Variants in UBE3A observed in about 807,000 individuals in gnomAD.
The protein encoded by UBE3A is ubiquitin-protein ligase E3A.
Under a neutral mutation model 83.4 loss-of-function variants are expected in UBE3A, and 6 were observed. The ratio of observed to expected loss-of-function variants is 0.07; its 90% CI spans 0.04 to 0.14. The LOEUF is 0.14. Among genes scored for constraint, UBE3A ranks in the 10% least tolerant of loss-of-function variants. UBE3A has a pLI of 1.00. For missense variants in UBE3A, 456 were observed against 1,036.1 expected, an observed-to-expected ratio of 0.44 and a Z score of 7.69; for synonymous variants, 337 against 355.4, an observed-to-expected ratio of 0.95 and a Z score of 0.58.
chr15:25,418,316 T>C (rs1887972591), intron 1 of UBE3A: 1 of 152,088 alleles, frequency 6.6e-6, no homozygotes, highest in Non-Finnish European at 1.5e-5. Context: ...AACATATATG[T>C]CCACACAGAG....
chr15:25,374,015 C>T (rs1037604366), intron 5 of UBE3A: 2 of 152,116 alleles, frequency 1.3e-5, no homozygotes, highest in African/African-American at 4.8e-5. Flanking sequence ...CTACTTAATA[C>T]TTATGCAACT....
chr15:25,352,388 T>C (rs1199388250), intron 11 of UBE3A, among the ~76,000 whole-genome samples: 6 of 152,198 alleles, frequency 3.9e-5, no homozygotes, highest in African/African-American at 9.7e-5. Context: ...TTTCAGACCA[T>C]GGCAAATAAA....
intron 1 of UBE3A, among the ~76,000 whole-genome samples, chr15:25,423,066 A>G (rs1164004500): frequency 6.6e-6 from 1 of 152,080 alleles, no homozygotes; most frequent in Non-Finnish European, 1.5e-5. Context: ...AAACCATAAA[A>G]GATGGACAGA....
chr15:25,412,859 C>G (rs990981228), intron 1 of UBE3A, among the ~76,000 whole-genome samples: 1 of 152,252 alleles, frequency 6.6e-6, no homozygotes, highest in Admixed American at 6.5e-5. Context: ...AATAGAATTA[C>G]CTGGGGAAAT....
At chr15:25,385,765 C>CG in intron 4 of UBE3A, among the ~76,000 whole-genome samples, 1 of 152,122 alleles carries the variant, frequency 6.6e-6, no homozygotes, top group Non-Finnish European at 1.5e-5. Context: ...GAAACCTCCA[C>CG]GGGGTAGGAA....
chr15:25,434,993 C>G (rs1481775468), intron 1 of UBE3A, among the ~76,000 whole-genome samples: 21 of 150,934 alleles, frequency 1.4e-4, no homozygotes, highest in Admixed American at 3.3e-4. Flanking sequence ...CACACACACA[C>G]ACACACACAC....
In UBE3A at chr15:25,338,342, A is replaced by AATCCCTGTCCTTTCATACACTAAG; in HGVS notation, c.*794_*795insCTTAGTGTATGAAAGGACAGGGAT. The AATCCCTGTCCTTTCATACACTAAG allele has an allele frequency of 6.6e-6, 1 of 152,158 alleles. No homozygotes were observed. Among genetic ancestry groups the AATCCCTGTCCTTTCATACACTAAG allele is most frequent in the East Asian group, 1.9e-4 (1 of 5,172 alleles). 9.4% of individuals were successfully genotyped at this position (152,158 alleles called of 1,614,324 possible). A position where few individuals can be genotyped will look rare whatever the true frequency, so the allele number is the denominator to read the frequency against. On this transcript the variant is annotated 3_prime_UTR_variant, in exon 13 of 13. Coordinates refer to ENST00000648336, the MANE Select transcript of UBE3A (RefSeq NM_130839.5). ...CAACAACGAGAACAACAAGAACAAAAATCCCTGTCCTTTCATATACTAAGA... is the reference window on the plus strand; with the variant it reads ...CAACAACGAGAACAACAAGAACAAAAATCCCTGTCCTTTCATACACTAAGATCCCTGTCCTTTCATATACTAAGA...
At chr15:25,375,803 C>T (rs759312941) in intron 4 of UBE3A, 40 bp from the exon 5 acceptor site, 8 of 1,600,326 alleles carry the variant, frequency 5.0e-6, no homozygotes, top group South Asian at 2.2e-5. Context: ...GTGATTAGTA[C>T]AGCTCTCAAG....
intron 7 of UBE3A, among the ~76,000 whole-genome samples, chr15:25,359,415 ATGCGTGTGTG>A (rs2077689812): frequency 2.0e-5 from 2 of 98,272 alleles, no homozygotes; most frequent in South Asian, 4.1e-4. Context: ...TAGATAAGGG[ATGCGTGTGTG>A]TGTGTGTGTG....
chr15:25,422,488 G>C (rs1890118050), intron 1 of UBE3A, among the ~76,000 whole-genome samples: 1 of 151,970 alleles, frequency 6.6e-6, no homozygotes, highest in Non-Finnish European at 1.5e-5. Context: ...ATTATCAGTG[G>C]GGAAAGGATG....
At chr15:25,413,424 A>G (rs2090350793) in intron 1 of UBE3A, among the ~76,000 whole-genome samples, 1 of 151,822 alleles carries the variant, frequency 6.6e-6, no homozygotes, top group African/African-American at 2.4e-5. Flanking sequence ...CCTTTGCATC[A>G]TGTTTATGGT....
intron 1 of UBE3A, among the ~76,000 whole-genome samples, chr15:25,425,185 T>A (rs1323583496): frequency 6.6e-6 from 1 of 152,074 alleles, no homozygotes; most frequent in Non-Finnish European, 1.5e-5. Context: ...GAAAATACCA[T>A]GGTAAGTAAA....
intron 4 of UBE3A, among the ~76,000 whole-genome samples, chr15:25,386,606 A>G (rs1167290196): frequency 6.6e-6 from 1 of 152,204 alleles, no homozygotes. Context: ...TGGATGAAGA[A>G]TCTCTGAGCT....
intron 4 of UBE3A, among the ~76,000 whole-genome samples, chr15:25,402,301 T>C (rs2153032481): frequency 6.6e-6 from 1 of 152,270 alleles, no homozygotes; most frequent in South Asian, 2.1e-4. Context: ...GGTACACAGG[T>C]GCTGCTGGCC....
chr15:25,367,987 G>T (rs1229402107), intron 6 of UBE3A, among the ~76,000 whole-genome samples: 1 of 151,962 alleles, frequency 6.6e-6, no homozygotes, highest in Non-Finnish European at 1.5e-5. Flanking sequence ...TTAAAGCCTA[G>T]GATCCCATAA....
At chr15:25,407,094 T>C (rs1596268685) in intron 3 of UBE3A, 2 of 1,350,816 alleles carry the variant, frequency 1.5e-6, no homozygotes, top group African/African-American at 1.5e-5. Flanking sequence ...TGTGGGTAAG[T>C]ACCCCAAGAT....
At chr15:25,392,295 A>C (rs2084579787) in intron 4 of UBE3A, among the ~76,000 whole-genome samples, 1 of 152,090 alleles carries the variant, frequency 6.6e-6, no homozygotes, top group Admixed American at 6.6e-5. Flanking sequence ...GACCTTTTGG[A>C]AATTATTGAC....
intron 11 of UBE3A, among the ~76,000 whole-genome samples, chr15:25,347,395 A>T (rs536983601): frequency 6.6e-6 from 1 of 152,182 alleles, no homozygotes; most frequent in African/African-American, 2.4e-5. Flanking sequence ...ATGACCGTGA[A>T]AACAACTATA....
chr15:25,354,310 C>G, intron 11 of UBE3A, 43 bp downstream of exon 11: 1 of 1,591,290 alleles, frequency 6.3e-7, no homozygotes, highest in Non-Finnish European at 8.6e-7. Context: ...TCACACACCC[C>G]TTTGGTGAAT....
Sources: gnomAD v4.1 joint callset for allele counts (sites outside exome capture counted in the v4.1 genomes callset) on GRCh38, gnomAD v4.1.1 for gene constraint, MANE v1.5 for transcripts, NCBI Gene and HGNC (gene_info 2026-07-23, HGNC 2026-07-21) for gene names.